Variants in ANKS1B observed in about 807,000 individuals in gnomAD.
ANKS1B encodes the protein ankyrin repeat and sterile alpha motif domain containing 1B.
A neutral mutation model predicts 148.3 loss-of-function variants in ANKS1B; 36 were observed. That is an observed-to-expected ratio of 0.24 (90% CI 0.19 to 0.32). The LOEUF (loss-of-function observed/expected upper bound fraction) is 0.32, where lower values mean the gene tolerates loss of function less well. ANKS1B is among the 10% of genes least tolerant of loss of function. ANKS1B has a pLI of 1.00. For missense variants in ANKS1B, 1,157 were observed against 1,542.6 expected, an observed-to-expected ratio of 0.75 and a Z score of 4.19; for synonymous variants, 542 against 560.8, an observed-to-expected ratio of 0.97 and a Z score of 0.47.
At chr12:98,950,459 T>C (rs2099852437) in intron 17 of ANKS1B, among the ~76,000 whole-genome samples, 1 of 152,098 alleles carries the variant, frequency 6.6e-6, no homozygotes, top group East Asian at 1.9e-4. Context: ...ATTGTGTCAC[T>C]GCACTCCAGC....
intron 9 of ANKS1B, among the ~76,000 whole-genome samples, chr12:99,547,969 C>G (rs1464445461): frequency 6.6e-6 from 1 of 152,120 alleles, no homozygotes; most frequent in Non-Finnish European, 1.5e-5. Context: ...TTCCCTGATG[C>G]TGTCTTATAT....
intron 8 of ANKS1B, among the ~76,000 whole-genome samples, chr12:99,723,864 G>C (rs544330813): frequency 1.3e-5 from 2 of 152,172 alleles, no homozygotes; most frequent in East Asian, 1.9e-4. Context: ...CAGATGAATA[G>C]TGCCTGAAGT....
chr12:99,020,974 A>G (rs997698806), intron 17 of ANKS1B, among the ~76,000 whole-genome samples: 3 of 152,176 alleles, frequency 2.0e-5, no homozygotes, highest in African/African-American at 7.2e-5. Context: ...TGGCATGTTC[A>G]GTGAATATGA....
intron 1 of ANKS1B, among the ~76,000 whole-genome samples, chr12:99,935,804 C>T (rs2094751886): frequency 6.6e-6 from 1 of 152,120 alleles, no homozygotes; most frequent in African/African-American, 2.4e-5. Context: ...GATTAGTGAC[C>T]TCATCACAAG....
intron 1 of ANKS1B, among the ~76,000 whole-genome samples, chr12:99,968,094 A>C (rs979154726): frequency 2.6e-5 from 4 of 152,128 alleles, no homozygotes; most frequent in Admixed American, 1.3e-4. Context: ...AAGCAAAGGG[A>C]CATAAGGGCA....
intron 1 of ANKS1B, among the ~76,000 whole-genome samples, chr12:99,969,842 ATC>A (rs1369792032): frequency 1.3e-5 from 2 of 152,208 alleles, no homozygotes; most frequent in African/African-American, 2.4e-5. Flanking sequence ...TGCTTCTTGA[ATC>A]TGCATGAGTA....
chr12:99,486,990 A>AG (rs1348846790), intron 10 of ANKS1B, among the ~76,000 whole-genome samples: 4 of 152,118 alleles, frequency 2.6e-5, no homozygotes, highest in Admixed American at 2.6e-4. Flanking sequence ...ATGGTGGACA[A>AG]GGGGGGAATG....
intron 9 of ANKS1B, among the ~76,000 whole-genome samples, chr12:99,553,062 A>G (rs1056205179): frequency 1.3e-5 from 2 of 152,228 alleles, no homozygotes; most frequent in Non-Finnish European, 2.9e-5. Context: ...AACATTTGTC[A>G]TCATTTAAAG....
intron 10 of ANKS1B, among the ~76,000 whole-genome samples, chr12:99,482,623 A>G (rs560103040): frequency 5.7e-4 from 86 of 151,622 alleles, no homozygotes; most frequent in African/African-American, 2.0e-3. Context: ...TTTGGGCAGT[A>G]TGGTCATTTT....
chr12:99,359,577 G>C (rs748519057), intron 12 of ANKS1B, among the ~76,000 whole-genome samples: 2 of 151,980 alleles, frequency 1.3e-5, no homozygotes, highest in Non-Finnish European at 2.9e-5. Flanking sequence ...TATAAAAAAT[G>C]TTCCTTTAAA....
chr12:99,707,339 C>T (rs1440940966), intron 8 of ANKS1B, among the ~76,000 whole-genome samples: 2 of 152,070 alleles, frequency 1.3e-5, no homozygotes, highest in East Asian at 3.9e-4. Context: ...ATAAAATTAT[C>T]TCCCAAATAT....
rs531144566 is a variant in ANKS1B, at chr12:98,901,824, A to G, written c.2779-69688T>C. Reference sequence around the variant, plus strand: ...GGGTGGTGAACAGACATGTGTGGCTATTGGTGGTGAATGTCCACCACAGAA... The same window carrying G: ...GGGTGGTGAACAGACATGTGTGGCTGTTGGTGGTGAATGTCCACCACAGAA... On this transcript the variant is annotated intron_variant, in intron 17 of 26. Transcript: ENST00000683438. Among the ~76,000 whole-genome samples the G allele has an allele frequency of 5.9e-5, 9 of 152,254 alleles. No individual in the cohort carries two copies. In the South Asian group the frequency reaches 1.9e-3, roughly 32 times the overall value.
chr12:99,942,849 G>A (rs2094954244), intron 1 of ANKS1B, among the ~76,000 whole-genome samples: 4 of 151,960 alleles, frequency 2.6e-5, no homozygotes, highest in Admixed American at 2.6e-4. Flanking sequence ...CTACCCTGTT[G>A]TTGCAGAACA....
chr12:99,088,261 G>T (rs980114488), intron 15 of ANKS1B, among the ~76,000 whole-genome samples: 6 of 149,624 alleles, frequency 4.0e-5, no homozygotes, highest in Non-Finnish European at 5.9e-5. Context: ...CCAGCCTTTT[G>T]TCCAAACACT....
At chr12:99,624,611 G>A (rs1231059860) in intron 9 of ANKS1B, among the ~76,000 whole-genome samples, 1 of 151,980 alleles carries the variant, frequency 6.6e-6, no homozygotes, top group Non-Finnish European at 1.5e-5. Flanking sequence ...CTTCTCAAAG[G>A]AATGCATACA....
At chr12:99,555,866 G>A (rs117824733) in intron 9 of ANKS1B, among the ~76,000 whole-genome samples, 9,023 of 152,192 alleles carry the variant, frequency 0.059, 376 homozygotes, top group East Asian at 0.24. Context: ...TTGCATCTAT[G>A]TTCATCAAGG....
In ANKS1B at chr12:99,569,921, G is replaced by T. The variant is rs137874387; in HGVS notation, c.1273-65280C>A. On this transcript the variant is annotated intron_variant, in intron 9 of 26. Coordinates refer to ENST00000683438, the MANE Select transcript of ANKS1B (RefSeq NM_001352186.2). ...ATAAGCCCTCCGATATCCTAGTCAC[G>T]GTTGGGAGTCAGTTTACCAGGGAAC... Among the ~76,000 whole-genome samples, 6 of 152,212 alleles carry T rather than the reference G, an allele frequency of 3.9e-5. No homozygotes were observed. The East Asian group carries it at 1.2e-3, about 29-fold the overall frequency.
At chr12:98,758,185 A>C (rs2098307811) in intron 25 of ANKS1B, among the ~76,000 whole-genome samples, 1 of 151,950 alleles carries the variant, frequency 6.6e-6, no homozygotes, top group Non-Finnish European at 1.5e-5. Flanking sequence ...CTTTAATTCA[A>C]TCCTAACCGT....
chr12:99,641,824 C>T (rs149431271), intron 9 of ANKS1B, among the ~76,000 whole-genome samples: 7 of 152,098 alleles, frequency 4.6e-5, no homozygotes, highest in Non-Finnish European at 1.0e-4. Context: ...AGACACTATA[C>T]ACCCTTATTG....
Sources: gnomAD v4.1 joint callset for allele counts (sites outside exome capture counted in the v4.1 genomes callset) on GRCh38, gnomAD v4.1.1 for gene constraint, MANE v1.5 for transcripts, NCBI Gene and HGNC (gene_info 2026-07-23, HGNC 2026-07-21) for gene names.